The following CACNA1A variants were observed in gnomAD, a reference collection of about 807,000 sequenced individuals.
CACNA1A encodes voltage-dependent P/Q-type calcium channel subunit alpha-1A.
Under a neutral mutation model 262.4 loss-of-function variants are expected in CACNA1A, and 57 were observed. The observed-to-expected ratio is 0.22, with a 90% CI of 0.18 to 0.27. The LOEUF (loss-of-function observed/expected upper bound fraction) is 0.27. Among genes scored for constraint, CACNA1A ranks in the 10% least tolerant of loss-of-function variants. CACNA1A has a pLI of 1.00. For synonymous variants in CACNA1A, 1,431 were observed against 1,419.3 expected (o/e 1.01, Z -0.18); for missense variants, 2,526 against 3,562.8 (o/e 0.71, Z 7.41).
intron 22 of CACNA1A, among the ~76,000 whole-genome samples, chr19:13,281,906 G>A (rs1016134006): frequency 2.6e-5 from 4 of 152,126 alleles, no homozygotes; most frequent in South Asian, 2.1e-4. Context: ...GGGAGCTGCC[G>A]TGCCCCCTGG....
At chr19:13,378,512 A>T (rs1490196705) in intron 3 of CACNA1A, among the ~76,000 whole-genome samples, 2 of 152,152 alleles carry the variant, frequency 1.3e-5, no homozygotes, top group Non-Finnish European at 2.9e-5. Context: ...AGAAAATGTC[A>T]CAGGCACCCC....
At chr19:13,279,029 G>A (rs933558775) in intron 22 of CACNA1A, among the ~76,000 whole-genome samples, 5 of 152,040 alleles carry the variant, frequency 3.3e-5, no homozygotes, top group Admixed American at 3.3e-4. Context: ...GGGAGTGCAG[G>A]GACCATCTCA....
chr19:13,253,907 T>G (rs1262636673), intron 29 of CACNA1A, among the ~76,000 whole-genome samples: 1 of 151,732 alleles, frequency 6.6e-6, no homozygotes, highest in African/African-American at 2.4e-5. Context: ...GCCCAGCTAA[T>G]TTTTGTATTT....
At chr19:13,242,151 C>T (rs12462609) in intron 31 of CACNA1A, among the ~76,000 whole-genome samples, 19,974 of 152,190 alleles carry the variant, frequency 0.13, 1,375 homozygotes, top group South Asian at 0.24. Flanking sequence ...CTCAAATTGA[C>T]TGTAACTCAG....
At chr19:13,386,386 T>C in intron 3 of CACNA1A, among the ~76,000 whole-genome samples, 1 of 152,122 alleles carries the variant, frequency 6.6e-6, no homozygotes. Context: ...AAGGATTTTT[T>C]CCCCGTGAGA....
At chr19:13,344,594 T>C (rs1437793524) in intron 6 of CACNA1A, among the ~76,000 whole-genome samples, 3 of 152,152 alleles carry the variant, frequency 2.0e-5, no homozygotes, top group Non-Finnish European at 4.4e-5. Context: ...GTCATCTTGA[T>C]CATCAGCTCC....
At chr19:13,247,545 C>A (rs2056272919) in intron 30 of CACNA1A, among the ~76,000 whole-genome samples, 1 of 151,684 alleles carries the variant, frequency 6.6e-6, no homozygotes, top group Admixed American at 6.6e-5. Context: ...TACACGCACA[C>A]AAAAATCAGG....
At chr19:13,385,623 AG>A (rs1263606214) in intron 3 of CACNA1A, among the ~76,000 whole-genome samples, 1 of 152,194 alleles carries the variant, frequency 6.6e-6, no homozygotes, top group Non-Finnish European at 1.5e-5. Flanking sequence ...ACTCCTGAGT[AG>A]GTGGAACTAT....
At chr19:13,255,705 TTCCCTCCC>T (rs370544383) in intron 28 of CACNA1A, among the ~76,000 whole-genome samples, 54 of 31,890 alleles carry the variant, frequency 1.7e-3, no homozygotes, top group African/African-American at 5.8e-3. Flanking sequence ...CCCTCCTTCC[TTCCCTCCC>T]TCCCTCCTTC....
At chr19:13,325,073 C>G (rs929896150) in intron 10 of CACNA1A, among the ~76,000 whole-genome samples, 1 of 136,422 alleles carries the variant, frequency 7.3e-6, no homozygotes, top group African/African-American at 2.7e-5. Context: ...TCCTCCTCCT[C>G]TTCTTCTTCC....
intron 31 of CACNA1A, among the ~76,000 whole-genome samples, chr19:13,238,469 CACA>C (rs1198498337): frequency 3.3e-5 from 5 of 152,158 alleles, no homozygotes; most frequent in Admixed American, 1.3e-4. Context: ...CTGCAGCCCC[CACA>C]ACACCTGCCT....
chr19:13,362,926 C>G (rs2059135932), intron 5 of CACNA1A: 2 of 152,432 alleles, frequency 1.3e-5, no homozygotes, highest in Non-Finnish European at 2.9e-5. Flanking sequence ...ACCCCCCAAC[C>G]ACCGACACGA....
At chr19:13,225,729 G>A (rs887766498) in intron 37 of CACNA1A, 1 of 152,146 alleles carries the variant, frequency 6.6e-6, no homozygotes, top group African/African-American at 2.4e-5. Flanking sequence ...CTGGGGGTAG[G>A]GTGGGGAAGG....
At chr19:13,311,867 A>AC (rs61646754) in intron 12 of CACNA1A, among the ~76,000 whole-genome samples, 12 of 152,010 alleles carry the variant, frequency 7.9e-5, no homozygotes, top group African/African-American at 1.2e-4. Flanking sequence ...AAAAATAAAA[A>AC]AAAATAAATA....
chr19:13,478,901 G>T (rs1372661373), intron 1 of CACNA1A, among the ~76,000 whole-genome samples: 1 of 152,190 alleles, frequency 6.6e-6, no homozygotes, highest in Admixed American at 6.5e-5. Context: ...AAAAGATCAG[G>T]TGTGGTGGCT....
chr19:13,224,522 C>G, intron 38 of CACNA1A, 145 bp downstream of exon 38: 1 of 625,010 alleles, frequency 1.6e-6, no homozygotes, highest in Non-Finnish European at 2.8e-6. Context: ...AACCCCAAAC[C>G]CCAAAAAACC....
At chr19:13,243,456 C>A (rs1600155880) in intron 31 of CACNA1A, among the ~76,000 whole-genome samples, 1 of 152,270 alleles carries the variant, frequency 6.6e-6, no homozygotes, top group South Asian at 2.1e-4. Context: ...GACTGGGACA[C>A]CCCAGGAGCT....
In CACNA1A at chr19:13,212,604, C is replaced by CA; in HGVS notation, c.6050+26dup. On this transcript the variant is annotated intron_variant, in intron 41 of 46. Coordinates refer to ENST00000360228, the MANE Select transcript of CACNA1A (RefSeq NM_001127222.2). This position sits in a 1 kb window ranked among gnomAD's most constrained non-coding sequence, Gnocchi z 5.6. ...TGGGGACCACGGCACCCCCACACTC[C>CA]ACCTCCCTGGCAGGGGTGACACTCA... The CA allele has an allele frequency of 6.6e-7, 1 of 1,508,960 alleles. No homozygotes were observed. Among genetic ancestry groups the CA allele is most frequent in the Non-Finnish European group, 8.9e-7 (1 of 1,121,740 alleles). The allele number at this position is 1,508,960 out of a possible 1,614,324, so 93.5% of individuals were successfully genotyped here.
intron 3 of CACNA1A, among the ~76,000 whole-genome samples, chr19:13,372,071 T>G (rs1298792744): frequency 2.6e-5 from 4 of 152,090 alleles, no homozygotes; most frequent in Non-Finnish European, 4.4e-5. Flanking sequence ...ACATTCAGTA[T>G]ATTTCACAAC....
Sources: gnomAD v4.1 joint callset for allele counts (sites outside exome capture counted in the v4.1 genomes callset) on GRCh38, gnomAD v4.1.1 for gene constraint, Gnocchi (gnomAD v3.1) non-coding constraint, MANE v1.5 for transcripts, NCBI Gene and HGNC (gene_info 2026-07-23, HGNC 2026-07-21) for gene names.